Variants in COMMD7 observed in about 807,000 individuals in gnomAD.
COMMD7 encodes COMM domain containing 7.
COMMD7 carries 28 observed loss-of-function variants against 34.8 expected under a neutral mutation model. The observed-to-expected ratio is 0.80, with a 90% CI of 0.60 to 1.10. The LOEUF (loss-of-function observed/expected upper bound fraction) is 1.10, where lower values mean the gene tolerates loss of function less well. COMMD7 is among the 50% of genes least tolerant of loss of function. The probability of loss-of-function intolerance (pLI) is 0.00; values close to 1 mark genes in which losing one functional copy is unlikely to be tolerated. For missense variants in COMMD7, 211 were observed against 241.6 expected (o/e 0.87, Z 0.84); for synonymous variants, 80 against 86.4 (o/e 0.93, Z 0.41).
chr20:32,730,845 T>TTG (rs1985796229), intron 1 of COMMD7, among the ~76,000 whole-genome samples: 2 of 152,090 alleles, frequency 1.3e-5, no homozygotes, highest in Admixed American at 1.3e-4. Flanking sequence ...TTAGAGTCAC[T>TTG]ATACCATTTG....
chr20:32,703,691 C>T lies in COMMD7; in HGVS notation c.527-233G>A, dbSNP rs1246169075. On this transcript the variant is annotated intron_variant, in intron 8 of 8. Transcript: ENST00000278980. ...GTTCAAATGGCACAGCTCCATGGCA[C>T]AAAGAGATGAAAGGGTATCATTCGG... The T allele has an allele frequency of 4.9e-6, 7 of 1,436,450 alleles. No individual in the cohort carries two copies. In the East Asian group the frequency reaches 1.3e-4, roughly 26 times the overall value. The allele number at this position is 1,436,450 out of a possible 1,614,324, so 89.0% of individuals were successfully genotyped here. A position where few individuals can be genotyped will look rare whatever the true frequency, so the allele number is the denominator to read the frequency against.
chr20:32,725,482 G>A (rs918822053), intron 3 of COMMD7, among the ~76,000 whole-genome samples: 1 of 147,182 alleles, frequency 6.8e-6, no homozygotes, highest in African/African-American at 2.5e-5. Flanking sequence ...AGGCTGGAGT[G>A]CAGTGGCACG....
intron 1 of COMMD7, among the ~76,000 whole-genome samples, chr20:32,733,243 G>T (rs1381756309): frequency 6.6e-6 from 1 of 151,908 alleles, no homozygotes; most frequent in African/African-American, 2.4e-5. Flanking sequence ...AGATCTATTT[G>T]TATTGAAGGG....
chr20:32,704,702 C>T, intron 6 of COMMD7, 112 bp downstream of exon 6: 6 of 847,222 alleles, frequency 7.1e-6, no homozygotes, highest in African/African-American at 1.7e-5. Context: ...GCAGCTGCTG[C>T]CCCAACAGTG....
chr20:32,706,133 G>A (rs955533292), intron 5 of COMMD7, among the ~76,000 whole-genome samples: 1 of 151,798 alleles, frequency 6.6e-6, no homozygotes, highest in African/African-American at 2.4e-5. Flanking sequence ...AGGAGGTGGA[G>A]GTTGCAGTGA....
At chr20:32,712,112 A>G (rs1984484389) in intron 3 of COMMD7, among the ~76,000 whole-genome samples, 1 of 150,938 alleles carries the variant, frequency 6.6e-6, no homozygotes, top group Admixed American at 6.6e-5. Flanking sequence ...TCTACTAAAA[A>G]TACAAAAATT....
intron 1 of COMMD7, among the ~76,000 whole-genome samples, chr20:32,739,644 C>CAAAACAAAAAAAAA (rs1986324916): frequency 1.8e-5 from 1 of 56,018 alleles, no homozygotes; most frequent in Non-Finnish European, 3.3e-5. Context: ...GGCTCTGTAT[C>CAAAACAAAAAAAAA]AAAAAAAAAA....
chr20:32,718,785 A>G (rs1026423745), intron 3 of COMMD7, among the ~76,000 whole-genome samples: 2 of 152,102 alleles, frequency 1.3e-5, no homozygotes, highest in African/African-American at 4.8e-5. Context: ...CCTGCCAAAA[A>G]AAAAAAAAGA....
intron 3 of COMMD7, among the ~76,000 whole-genome samples, chr20:32,722,123 T>C (rs1221040156): frequency 6.6e-6 from 1 of 151,570 alleles, no homozygotes; most frequent in Non-Finnish European, 1.5e-5. Context: ...TGCATGCCTG[T>C]AGTTCCAGCT....
intron 3 of COMMD7, among the ~76,000 whole-genome samples, chr20:32,707,251 T>G (rs1984143084): frequency 1.5e-5 from 2 of 134,746 alleles, no homozygotes; most frequent in Non-Finnish European, 3.1e-5. Context: ...GCCACTGCAC[T>G]CCAGCCTGGG....
chr20:32,712,267 CTCAAAAAA>C (rs1984499978), intron 3 of COMMD7, among the ~76,000 whole-genome samples: 1 of 113,110 alleles, frequency 8.8e-6, no homozygotes, highest in Non-Finnish European at 1.7e-5. Context: ...AAGACTCCGT[CTCAAAAAA>C]AAAAAAAAAA....
In COMMD7 at chr20:32,743,461, T is replaced by TGCCACC; in HGVS notation, c.-76_-71dup. The TGCCACC allele has an allele frequency of 1.8e-6, 2 of 1,110,168 alleles. No homozygotes were observed. The allele number at this position is 1,110,168 out of a possible 1,614,324, so 68.8% of individuals were successfully genotyped here. Reference sequence around the variant, plus strand: ...GCTCAGCTTCCTCCTCCGCTGCCGCTGCCACCGCTGCCGGCCTCTCCGCGC... The same window carrying TGCCACC: ...GCTCAGCTTCCTCCTCCGCTGCCGCTGCCACCGCCACCGCTGCCGGCCTCTCCGCGC... On this transcript the variant is annotated 5_prime_UTR_variant, in exon 1 of 9. Transcript: ENST00000278980.
Position 32,703,343 on chromosome 20 carries a change from G to C in COMMD7, c.*39C>G, listed in dbSNP as rs2145700108. 6.3e-7 allele frequency: 1 copy of C among 1,577,780 alleles called. No homozygotes were observed. On this transcript the variant is annotated 3_prime_UTR_variant, in exon 9 of 9. Coordinates refer to ENST00000278980, the MANE Select transcript of COMMD7 (RefSeq NM_053041.3). ...GAGCAGTCACCCAGGGAAGGGAGGA[G>C]GGCAGGGAACGGGGCCAGGGGAGAT...
At chr20:32,713,722 ATGAAC>A (rs202058752) in intron 3 of COMMD7, among the ~76,000 whole-genome samples, 1,629 of 152,336 alleles carry the variant, frequency 0.011, 18 homozygotes, top group Admixed American at 0.021. Context: ...GGAAACATCA[ATGAAC>A]TGAACAGACA....
chr20:32,726,830 G>A (rs1985535932), intron 3 of COMMD7, among the ~76,000 whole-genome samples: 1 of 152,252 alleles, frequency 6.6e-6, no homozygotes, highest in Admixed American at 6.5e-5. Flanking sequence ...TCTGGTTCAA[G>A]CCCCCAGAAC....
intron 3 of COMMD7, among the ~76,000 whole-genome samples, chr20:32,725,830 C>T (rs578203834): frequency 1.3e-5 from 2 of 151,870 alleles, no homozygotes; most frequent in African/African-American, 2.4e-5. Flanking sequence ...GCGGGCAGAT[C>T]GCTTGAGCTC....
At chr20:32,735,904 ATTATCCT>A (rs767220592) in intron 1 of COMMD7, among the ~76,000 whole-genome samples, 22 of 152,090 alleles carry the variant, frequency 1.4e-4, no homozygotes, top group Non-Finnish European at 2.2e-4. Flanking sequence ...ACTTGCTTGT[ATTATCCT>A]TTATATTTTT....
intron 3 of COMMD7, among the ~76,000 whole-genome samples, chr20:32,725,142 G>A (rs1283303349): frequency 6.6e-6 from 1 of 151,618 alleles, no homozygotes; most frequent in Non-Finnish European, 1.5e-5. Context: ...TAACTAAAAG[G>A]AGATATATTC....
chr20:32,743,244 C>CA, intron 1 of COMMD7, 64 bp downstream of exon 1: 3 of 912,216 alleles, frequency 3.3e-6, no homozygotes, highest in Non-Finnish European at 4.8e-6. Context: ...ACGTCCCCCC[C>CA]ACCCCAGGCC....
Sources: gnomAD v4.1 joint callset for allele counts (sites outside exome capture counted in the v4.1 genomes callset) on GRCh38, gnomAD v4.1.1 for gene constraint, MANE v1.5 for transcripts, NCBI Gene and HGNC (gene_info 2026-07-23, HGNC 2026-07-21) for gene names.